AIDA: variants seen among roughly 807,000 people sequenced by gnomAD.
AIDA encodes axin interactor, dorsalization associated, also known as axin interactor, dorsalization-associated protein.
AIDA carries 18 observed loss-of-function variants against 42.7 expected under a neutral mutation model. The ratio of observed to expected loss-of-function variants is 0.42; its 90% CI spans 0.29 to 0.63. The LOEUF (loss-of-function observed/expected upper bound fraction) is 0.63, where lower values mean the gene tolerates loss of function less well. Ranked by LOEUF, AIDA falls within the 20% of genes least tolerant of loss-of-function variation. The probability of loss-of-function intolerance (pLI) is 0.19; values close to 1 mark genes in which losing one functional copy is unlikely to be tolerated. For missense variants in AIDA, 250 were observed against 354.1 expected, an observed-to-expected ratio of 0.71 and a Z score of 2.36; for synonymous variants, 104 against 122.9, an observed-to-expected ratio of 0.85 and a Z score of 1.02.
chr1:222,706,854 C>CAAAA (rs767799244), intron 1 of AIDA, among the ~76,000 whole-genome samples: 4 of 72,090 alleles, frequency 5.5e-5, no homozygotes, highest in African/African-American at 9.6e-5. Context: ...GACTGCGCCT[C>CAAAA]AAAAAAAAAA....
intron 7 of AIDA, among the ~76,000 whole-genome samples, chr1:222,674,010 C>T (rs1055827700): frequency 4.6e-5 from 7 of 151,958 alleles, no homozygotes; most frequent in African/African-American, 1.7e-4. Context: ...TCTCTTGAAT[C>T]CGGGAGGCAG....
chr1:222,702,518 T>C (rs1436176430), intron 2 of AIDA, among the ~76,000 whole-genome samples: 2 of 152,204 alleles, frequency 1.3e-5, no homozygotes, highest in Non-Finnish European at 2.9e-5. Context: ...ACTAACAGTT[T>C]AGAAACTCAA....
At chr1:222,687,204 C>G in intron 5 of AIDA, 168 bp from the exon 6 acceptor site, 1 of 607,218 alleles carries the variant, frequency 1.6e-6, no homozygotes, top group African/African-American at 2.0e-5. Context: ...CCGAGGCGGG[C>G]AGACTGCCTG....
chr1:222,694,418 A>G (rs1410583044), intron 2 of AIDA, among the ~76,000 whole-genome samples, 155 bp from the exon 3 acceptor site: 1 of 152,252 alleles, frequency 6.6e-6, no homozygotes, highest in Non-Finnish European at 1.5e-5. Context: ...GAGAAAAGAA[A>G]TAAGAGGCAA....
chr1:222,711,633 C>G (rs1490457524), intron 1 of AIDA: 1 of 152,336 alleles, frequency 6.6e-6, no homozygotes, highest in Non-Finnish European at 1.5e-5. Context: ...GGAGAAGGAG[C>G]GCGAGAGGAG....
At chr1:222,687,082 T>C in intron 5 of AIDA, 46 bp from the exon 6 acceptor site, 1 of 1,591,058 alleles carries the variant, frequency 6.3e-7, no homozygotes, top group Non-Finnish European at 8.6e-7. Flanking sequence ...CAAAACTAAA[T>C]ATACTAGTGA....
chr1:222,680,762 G>A (rs767689848), intron 6 of AIDA, among the ~76,000 whole-genome samples: 3 of 151,618 alleles, frequency 2.0e-5, no homozygotes, highest in Non-Finnish European at 4.4e-5. Flanking sequence ...TTAAAATAGA[G>A]TAAAGCTTTT....
chr1:222,701,287 T>C (rs540231736), intron 2 of AIDA, among the ~76,000 whole-genome samples: 5 of 152,330 alleles, frequency 3.3e-5, no homozygotes, highest in South Asian at 4.1e-4. Flanking sequence ...ATATAATTTT[T>C]GGTGTGTTTT....
At chr1:222,703,989 GA>G (rs1655778010) in intron 1 of AIDA, among the ~76,000 whole-genome samples, 1 of 152,160 alleles carries the variant, frequency 6.6e-6, no homozygotes, top group South Asian at 2.1e-4. Context: ...CAAAGGATTT[GA>G]ATAGATAGTT....
chr1:222,692,317 C>T (rs111739163), intron 4 of AIDA, among the ~76,000 whole-genome samples: 80 of 152,224 alleles, frequency 5.3e-4, no homozygotes, highest in African/African-American at 1.7e-3. Context: ...GAATGGCAGA[C>T]GTGGGGATGT....
At chr1:222,709,410 G>A (rs34974530) in intron 1 of AIDA, among the ~76,000 whole-genome samples, 4,390 of 152,102 alleles carry the variant, frequency 0.029, 217 homozygotes, top group African/African-American at 0.099. Context: ...CAGCCTGGGT[G>A]ACAGAGCAAG....
At chr1:222,674,322 G>C (rs1020948930) in intron 7 of AIDA, among the ~76,000 whole-genome samples, 14 of 152,102 alleles carry the variant, frequency 9.2e-5, no homozygotes, top group Non-Finnish European at 1.2e-4. Context: ...ACAAAAGAAA[G>C]CTTGTAGAAC....
intron 1 of AIDA, among the ~76,000 whole-genome samples, chr1:222,709,548 G>A (rs1483180726): frequency 2.6e-5 from 4 of 152,108 alleles, no homozygotes; most frequent in Non-Finnish European, 4.4e-5. Context: ...TGAGATAGAG[G>A]CAGTGGGGTT....
intron 6 of AIDA, among the ~76,000 whole-genome samples, chr1:222,684,426 T>C (rs1664706488): frequency 6.6e-6 from 1 of 152,146 alleles, no homozygotes; most frequent in South Asian, 2.1e-4. Context: ...GAATTTCACA[T>C]ATGTAAATAT....
intron 1 of AIDA, among the ~76,000 whole-genome samples, chr1:222,709,614 T>C (rs979506975): frequency 2.6e-5 from 4 of 151,956 alleles, no homozygotes; most frequent in African/African-American, 9.7e-5. Flanking sequence ...TCACTGAGGA[T>C]ATTTGAACAA....
At position 222,668,137 on chromosome 1, in the gene AIDA, A is replaced by G. The variant is rs1217457082; in HGVS notation, c.*1756T>C. On this transcript the variant is annotated 3_prime_UTR_variant, in exon 10 of 10. Coordinates refer to ENST00000340020, the MANE Select transcript of AIDA (RefSeq NM_022831.4). ...TGATATACATATCTTATGGTTTATG[A>G]GAAAAGAGAAAAAATAATACATCGG... 6.6e-6 allele frequency: 1 copy of G among 152,170 alleles called. No homozygotes were observed. Among genetic ancestry groups the G allele is most frequent in the Non-Finnish European group, 1.5e-5 (1 of 68,038 alleles). 9.4% of individuals were successfully genotyped at this position (152,170 alleles called of 1,614,324 possible). A position where few individuals can be genotyped will look rare whatever the true frequency, so the allele number is the denominator to read the frequency against.
Position 222,687,033 on chromosome 1 carries a change from T to A in AIDA, c.357A>T (p.Arg119Ser). The A allele has an allele frequency of 6.2e-7, 1 of 1,612,982 alleles. No individual in the cohort carries two copies. Among genetic ancestry groups the A allele is most frequent in the Non-Finnish European group, 8.5e-7 (1 of 1,179,664 alleles). ...PFDVQPVPLR[R>S]ILAPGEEENL... ...TCTCTTCTTCACCAGGTGCCAAAAT[T>A]CTTCTACACAAAAAAAGGGCAGAAA... Residue 119 changes from arginine to serine, a missense_variant, in exon 6 of 10, where the codon AGA becomes AGT. Arg to Ser is a moderately radical substitution (Grantham distance 110, BLOSUM62 -1). Transcript: ENST00000340020.
chr1:222,698,869 A>C (rs1655598380), intron 2 of AIDA, among the ~76,000 whole-genome samples: 1 of 152,146 alleles, frequency 6.6e-6, no homozygotes, highest in South Asian at 2.1e-4. Flanking sequence ...TCTGTAGCCC[A>C]GGGTGGAGTA....
At chr1:222,682,248 C>T (rs571201881) in intron 6 of AIDA, among the ~76,000 whole-genome samples, 1 of 152,234 alleles carries the variant, frequency 6.6e-6, no homozygotes, top group South Asian at 2.1e-4. Flanking sequence ...GGGCAAATGG[C>T]ATGATGGTCT....
Sources: allele counts gnomAD v4.1 joint callset (sites outside exome capture counted in the v4.1 genomes callset), GRCh38; gene constraint gnomAD v4.1.1; transcripts MANE v1.5; gene names NCBI Gene and HGNC (gene_info 2026-07-23, HGNC 2026-07-21).